MMADHC: variants seen among roughly 807,000 people sequenced by gnomAD.
MMADHC encodes the protein cobalamin trafficking protein CblD.
Under a neutral mutation model 36.3 loss-of-function variants are expected in MMADHC, and 23 were observed. The observed-to-expected ratio is 0.63, with a 90% CI of 0.46 to 0.90. The LOEUF (loss-of-function observed/expected upper bound fraction) is 0.90, where lower values mean the gene tolerates loss of function less well. MMADHC is among the 40% of genes least tolerant of loss of function. The pLI is 0.00. For missense variants in MMADHC, 330 were observed against 348.0 expected, an observed-to-expected ratio of 0.95 and a Z score of 0.41; for synonymous variants, 97 against 116.1, an observed-to-expected ratio of 0.84 and a Z score of 1.06.
intron 3 of MMADHC, 89 bp from the exon 4 acceptor site, chr2:149,579,737 A>G (rs1297507286): frequency 9.1e-7 from 1 of 1,101,474 alleles, no homozygotes; most frequent in South Asian, 1.5e-5. Context: ...AATTATGTAT[A>G]TTTTTATCTA....
In MMADHC at chr2:149,587,098, C is replaced by T; in HGVS notation, c.-1G>A. ...GAGATAATTTACTCACATTGGCCAT[C>T]TCCGCTGGAGAAGATAGTTCGCAAA... On this transcript the variant is annotated 5_prime_UTR_variant, in exon 2 of 8. Coordinates refer to ENST00000303319, the MANE Select transcript of MMADHC (RefSeq NM_015702.3). The T allele has an allele frequency of 6.2e-7, 1 of 1,613,994 alleles. No individual in the cohort carries two copies. Among genetic ancestry groups the T allele is most frequent in the Non-Finnish European group, 8.5e-7 (1 of 1,179,852 alleles).
intron 6 of MMADHC, among the ~76,000 whole-genome samples, chr2:149,572,545 C>T (rs1682659453): frequency 6.6e-6 from 1 of 152,100 alleles, no homozygotes; most frequent in Non-Finnish European, 1.5e-5. Flanking sequence ...AGCTTTCTGT[C>T]TGTGGACATT....
chr2:149,580,665 T>C (rs1682781491), intron 3 of MMADHC, among the ~76,000 whole-genome samples: 2 of 152,324 alleles, frequency 1.3e-5, no homozygotes, highest in Middle Eastern at 3.4e-3. Context: ...AGAATGGCCA[T>C]GTCAGCATGG....
At position 149,571,164 on chromosome 2, in the gene MMADHC, T is replaced by C. The variant is rs138607412; in HGVS notation, c.617A>G (p.Asn206Ser). The C allele has an allele frequency of 1.9e-3, 3,017 of 1,604,900 alleles. 25 individuals carry two copies. The highest frequency in any genetic ancestry group is 0.013 in the South Asian group (1,159 of 89,444). ...EREVLLEKFI[N>S]GAKEICYALR... Reference sequence around the variant, plus strand: ...AGCATAGCAAATTTCCTTAGCACCATTGATGAACTGCAATGGAAGTCACAA... The same window carrying C: ...AGCATAGCAAATTTCCTTAGCACCACTGATGAACTGCAATGGAAGTCACAA... Residue 206 changes from asparagine to serine, a missense_variant, in exon 7 of 8, where the codon AAT becomes AGT. Asn to Ser is a conservative substitution (Grantham distance 46). Coordinates refer to ENST00000303319, the MANE Select transcript of MMADHC (RefSeq NM_015702.3).
In MMADHC at chr2:149,587,772, A is replaced by G. The variant is rs527326538; in HGVS notation, c.-161T>C. The G allele has an allele frequency of 1.3e-5, 2 of 152,940 alleles. No homozygotes were observed. Among genetic ancestry groups the G allele is most frequent in the African/African-American group, 4.8e-5 (2 of 41,590 alleles). 9.5% of individuals were successfully genotyped at this position (152,940 alleles called of 1,614,324 possible). A position where few individuals can be genotyped will look rare whatever the true frequency, so the allele number is the denominator to read the frequency against. On this transcript the variant is annotated 5_prime_UTR_variant, in exon 1 of 8. Transcript: ENST00000303319. The stretch of plus-strand genomic sequence containing the variant: ...CACCTACGCTGGCGGTGAGCAGGCA[A>G]AGGAAGTTGCTTCCGAGCGCGTCGA...
Position 149,570,155 on chromosome 2 carries a change from T to C in MMADHC, c.710A>G (p.Tyr237Cys). 1 of 1,613,594 alleles carries C rather than the reference T, an allele frequency of 6.2e-7. No homozygotes were observed. Among genetic ancestry groups the C allele is most frequent in the Non-Finnish European group, 8.5e-7 (1 of 1,179,650 alleles). Residue 237 changes from tyrosine to cysteine, a missense_variant, in exon 8 of 8, where the codon TAT (tyrosine) becomes TGT (cysteine). Physicochemically the swap from Tyr to Cys is radical, Grantham distance 194. Coordinates refer to ENST00000303319, the MANE Select transcript of MMADHC (RefSeq NM_015702.3). ...AGTTTCAAAAAGAGTGTTGTTTGTA[T>C]ATGGTCCAAAAAACTGAGGAAATAA... ...PSSGLAFFGPYTNNTLFETDE... is the reference protein window; with the variant it reads ...PSSGLAFFGPCTNNTLFETDE...
intron 4 of MMADHC, 84 bp from the exon 5 acceptor site, chr2:149,576,626 G>C: frequency 1.1e-6 from 1 of 924,028 alleles, no homozygotes; most frequent in East Asian, 2.4e-5. Context: ...GTCTTCCTTA[G>C]AAAGCTTTTT....
intron 3 of MMADHC, among the ~76,000 whole-genome samples, chr2:149,581,248 T>C (rs1237215601): frequency 2.6e-5 from 4 of 152,188 alleles, no homozygotes; most frequent in Non-Finnish European, 4.4e-5. Context: ...CTTTATATAT[T>C]CCAGATACTA....
Position 149,579,535 on chromosome 2 carries a change from G to A in MMADHC, c.268C>T (p.Gln90Ter), listed in dbSNP as rs1185711564. The change falls in exon 4 of 8, where the codon CAG (glutamine) becomes TAG (stop). Residue 90 changes from glutamine (Q) to a stop codon, truncating the protein, a stop_gained. Coordinates refer to ENST00000303319, the MANE Select transcript of MMADHC (RefSeq NM_015702.3). LOFTEE classifies it high-confidence loss of function. ...FDCHLNGTAS[Q>*]KKSLVHKTLP... ...GTTTTATGAACCAGGCTTTTCTTCT[G>A]TGAAGCAGTCCCATTGAGGTGACAA... is the stretch of plus-strand genomic sequence containing the variant. 6.2e-7 allele frequency: 1 copy of A among 1,613,756 alleles called. No homozygotes were observed. The highest frequency in any genetic ancestry group is 8.5e-7 in the Non-Finnish European group (1 of 1,179,982).
rs760211188 is a variant in MMADHC at position 149,573,257 on chromosome 2, C to CA, written c.610-2087dup. 1.4e-3 allele frequency among the ~76,000 whole-genome samples: 209 copies of CA among 152,238 alleles called. 1 individual carries two copies. Among genetic ancestry groups the CA allele is most frequent in the Middle Eastern group, 3.4e-3 (1 of 294 alleles). On this transcript the variant is annotated intron_variant, in intron 6 of 7. Coordinates refer to ENST00000303319, the MANE Select transcript of MMADHC (RefSeq NM_015702.3). Reference sequence around the variant, plus strand: ...ACAGACTAGTTTTCAAACAAACAAACAAACAAACAACAAAAAACCCAGGAG... The same window carrying CA: ...ACAGACTAGTTTTCAAACAAACAAACAAAACAAACAACAAAAAACCCAGGAG...
chr2:149,573,200 C>T (rs1392245658), intron 6 of MMADHC, among the ~76,000 whole-genome samples: 5 of 152,150 alleles, frequency 3.3e-5, no homozygotes, highest in African/African-American at 4.8e-5. Context: ...GTCACTCATG[C>T]TAGGTACCGC....
chr2:149,586,580 A>G (rs1682872097), intron 2 of MMADHC, among the ~76,000 whole-genome samples: 1 of 152,204 alleles, frequency 6.6e-6, no homozygotes, highest in Non-Finnish European at 1.5e-5. Context: ...GTTTTTATAT[A>G]TGTCTTATGA....
chr2:149,574,306 A>G (rs372213411), intron 6 of MMADHC, among the ~76,000 whole-genome samples: 2 of 152,238 alleles, frequency 1.3e-5, no homozygotes, highest in Non-Finnish European at 2.9e-5. Context: ...ATAACTCTCT[A>G]TAACTCCCTT....
chr2:149,582,388 CT>C (rs1682807893), intron 2 of MMADHC, 117 bp from the exon 3 acceptor site: 1 of 925,034 alleles, frequency 1.1e-6, no homozygotes, highest in African/African-American at 1.6e-5. Flanking sequence ...ATTTATTCTA[CT>C]TTTACTGAAC....
intron 3 of MMADHC, 131 bp from the exon 4 acceptor site, chr2:149,579,779 A>G: frequency 1.2e-6 from 1 of 818,234 alleles, no homozygotes; most frequent in South Asian, 1.8e-5. Flanking sequence ...TCCCATGTGA[A>G]TATAAATAGT....
At chr2:149,571,262 C>A in intron 6 of MMADHC, 91 bp from the exon 7 acceptor site, 1 of 757,532 alleles carries the variant, frequency 1.3e-6, no homozygotes. Flanking sequence ...TATCTTGTTT[C>A]AGAAAAGAAC....
intron 2 of MMADHC, among the ~76,000 whole-genome samples, chr2:149,584,729 CA>C (rs1167907629): frequency 2.0e-5 from 3 of 152,118 alleles, no homozygotes; most frequent in Non-Finnish European, 4.4e-5. Flanking sequence ...TAATCTGTTT[CA>C]AACCTTACCC....
chr2:149,574,445 A>G (rs1209701569), intron 6 of MMADHC, among the ~76,000 whole-genome samples: 1 of 152,236 alleles, frequency 6.6e-6, no homozygotes, highest in East Asian at 1.9e-4. Flanking sequence ...ACTTTTACAA[A>G]TAAAGACCAT....
In MMADHC at chr2:149,587,128, C is replaced by T; in HGVS notation, c.-31G>A. On this transcript the variant is annotated 5_prime_UTR_variant, in exon 2 of 8. Transcript: ENST00000303319. The stretch of plus-strand genomic sequence containing the variant: ...CTGGAGAAGATAGTTCGCAAAATAG[C>T]TTTCCTTTGGTAAAGTTATTTCTGG... 1.2e-6 allele frequency: 2 copies of T among 1,611,512 alleles called. No homozygotes were observed. The highest frequency in any genetic ancestry group is 8.5e-7 in the Non-Finnish European group (1 of 1,177,594).
Sources: gnomAD v4.1 joint callset for allele counts (sites outside exome capture counted in the v4.1 genomes callset) on GRCh38, gnomAD v4.1.1 for gene constraint, MANE v1.5 for transcripts, NCBI Gene and HGNC (gene_info 2026-07-23, HGNC 2026-07-21) for gene names.